PHACTR1: variants seen among roughly 807,000 people sequenced by gnomAD.
PHACTR1 encodes phosphatase and actin regulator 1, also known as RPEL repeat containing 1.
Under a neutral mutation model 69.2 loss-of-function variants are expected in PHACTR1, and 16 were observed. The ratio of observed to expected loss-of-function variants is 0.23; its 90% confidence interval spans 0.16 to 0.35. PHACTR1 has a LOEUF of 0.35. Among genes scored for constraint, PHACTR1 ranks in the 10% least tolerant of loss-of-function variants. The pLI, the probability that PHACTR1 is intolerant of heterozygous loss-of-function variation, is 1.00. For missense variants in PHACTR1, 510 were observed against 734.7 expected, an observed-to-expected ratio of 0.69 and a Z score of 3.54; for synonymous variants, 312 against 284.5, an observed-to-expected ratio of 1.10 and a Z score of -0.97.
chr6:12,834,082 G>A (rs1196241009), intron 4 of PHACTR1, among the ~76,000 whole-genome samples: 1 of 152,090 alleles, frequency 6.6e-6, no homozygotes, highest in Non-Finnish European at 1.5e-5. Context: ...TTCTGCAATA[G>A]CACTTATTGT....
Position 13,006,952 on chromosome 6 carries a change from G to GAC in PHACTR1, c.251-46412_251-46411insCA, listed in dbSNP as rs566632431. 1.5e-4 allele frequency among the ~76,000 whole-genome samples: 23 copies of GAC among 152,332 alleles called. No homozygotes were observed. In the East Asian group the frequency reaches 4.2e-3, roughly 28 times the overall value. ...CCAACTGCAATCCTACCATGTGCCTGAAGACAGCAAGTCAGAAATATTTGG... is the reference window on the plus strand; with the variant it reads ...CCAACTGCAATCCTACCATGTGCCTGACAAGACAGCAAGTCAGAAATATTTGG... On this transcript the variant is annotated intron_variant, in intron 4 of 14. Coordinates refer to ENST00000332995, the MANE Select transcript of PHACTR1 (RefSeq NM_030948.6).
At chr6:13,227,784 G>T (rs1770039977) in intron 8 of PHACTR1, 32 bp from the exon 9 acceptor site, 2 of 1,604,302 alleles carry the variant, frequency 1.2e-6, no homozygotes, top group South Asian at 1.1e-5. Context: ...TAGCCAAAGT[G>T]AATTTCCTCT....
chr6:13,111,235 T>G (rs773946285), intron 5 of PHACTR1, among the ~76,000 whole-genome samples: 13 of 152,102 alleles, frequency 8.5e-5, no homozygotes, highest in South Asian at 2.1e-4. Flanking sequence ...AGGGTCACTG[T>G]ATGACAGTGT....
intron 10 of PHACTR1, chr6:13,267,678 T>A (rs1461906784): frequency 6.6e-6 from 1 of 152,174 alleles, no homozygotes; most frequent in Non-Finnish European, 1.5e-5. Flanking sequence ...CTCTAGGCTG[T>A]GAGCCGCTTA....
chr6:13,281,328 C>T lies in PHACTR1; in HGVS notation c.1510-2094C>T, dbSNP rs146528196. The T allele has an allele frequency of 1.9e-3, 662 of 341,158 alleles. 7 individuals carry two copies. Among genetic ancestry groups the T allele is most frequent in the African/African-American group, 0.014 (622 of 45,994 alleles). 21.1% of individuals were successfully genotyped at this position (341,158 alleles called of 1,614,324 possible). A position where few individuals can be genotyped will look rare whatever the true frequency, so the allele number is the denominator to read the frequency against. ...CAGCACTTTGGGAGGCTGAGAACGGCGGATCATTTGAGATCAGGAGTTCGA... is the reference window on the plus strand; with the variant it reads ...CAGCACTTTGGGAGGCTGAGAACGGTGGATCATTTGAGATCAGGAGTTCGA... On this transcript the variant is annotated intron_variant, in intron 12 of 14. Coordinates refer to ENST00000332995, the MANE Select transcript of PHACTR1 (RefSeq NM_030948.6).
chr6:13,005,021 C>G (rs1378809518), intron 4 of PHACTR1, among the ~76,000 whole-genome samples: 1 of 151,250 alleles, frequency 6.6e-6, no homozygotes, highest in African/African-American at 2.4e-5. Flanking sequence ...AAATGAATAT[C>G]TTTAAATTTT....
chr6:13,278,342 C>T lies in PHACTR1; in HGVS notation c.1509+13C>T. 2 of 1,584,764 alleles carry T rather than the reference C, an allele frequency of 1.3e-6. No homozygotes were observed. Among genetic ancestry groups the T allele is most frequent in the South Asian group, 2.3e-5 (2 of 86,738 alleles). On this transcript the variant is annotated intron_variant, in intron 12 of 14. Coordinates refer to ENST00000332995, the MANE Select transcript of PHACTR1 (RefSeq NM_030948.6). ...GCTAACCCGAAAGGTAGGTGGTTCT[C>T]CATGCCAAGAGCTGGGACAGGAGAG...
At chr6:12,974,381 A>G (rs1233770690) in intron 4 of PHACTR1, among the ~76,000 whole-genome samples, 2 of 152,106 alleles carry the variant, frequency 1.3e-5, no homozygotes, top group African/African-American at 4.8e-5. Context: ...GCATATCACC[A>G]TGGACTTTTT....
chr6:13,035,469 A>C (rs774284392), intron 4 of PHACTR1, among the ~76,000 whole-genome samples: 2 of 151,974 alleles, frequency 1.3e-5, no homozygotes, highest in South Asian at 2.1e-4. Context: ...GCATTGTTCT[A>C]GTTTCTGTTT....
At chr6:13,072,702 T>TC (rs1809724318) in intron 5 of PHACTR1, among the ~76,000 whole-genome samples, 1 of 152,224 alleles carries the variant, frequency 6.6e-6, no homozygotes, top group Non-Finnish European at 1.5e-5. Flanking sequence ...CTTTATTTTT[T>TC]CTTTATGCAT....
At chr6:13,227,091 G>A (rs1769884753) in intron 8 of PHACTR1, among the ~76,000 whole-genome samples, 1 of 152,150 alleles carries the variant, frequency 6.6e-6, no homozygotes, top group Non-Finnish European at 1.5e-5. Flanking sequence ...AACTTAAGAG[G>A]TAGAACCAAA....
intron 7 of PHACTR1, among the ~76,000 whole-genome samples, chr6:13,189,390 CA>C (rs1763211994): frequency 6.6e-6 from 1 of 151,716 alleles, no homozygotes; most frequent in Non-Finnish European, 1.5e-5. Flanking sequence ...CCAAAATTCC[CA>C]CCCCCCCTTT....
At chr6:13,044,204 G>C (rs1173723327) in intron 4 of PHACTR1, among the ~76,000 whole-genome samples, 1 of 152,118 alleles carries the variant, frequency 6.6e-6, no homozygotes, top group Non-Finnish European at 1.5e-5. Context: ...TCATGGAATA[G>C]AAGTATCTTC....
intron 4 of PHACTR1, among the ~76,000 whole-genome samples, chr6:12,766,069 G>A (rs563043159): frequency 6.6e-5 from 10 of 152,152 alleles, no homozygotes; most frequent in African/African-American, 2.4e-4. Flanking sequence ...TGGACCCTAG[G>A]AACTATCATC....
In PHACTR1 at chr6:13,181,793, C is replaced by T. The variant is rs1227037166; in HGVS notation, c.497-726C>T. Among the ~76,000 whole-genome samples, 5 of 152,142 alleles carry T rather than the reference C, an allele frequency of 3.3e-5. No individual in the cohort carries two copies. The East Asian group carries it at 5.8e-4, about 18-fold the overall frequency. On this transcript the variant is annotated intron_variant, in intron 6 of 14. Coordinates refer to ENST00000332995, the MANE Select transcript of PHACTR1 (RefSeq NM_030948.6). ...GCAAACAGAAGACAGGACCTTGGTG[C>T]GTGTTGAATGACATGAAGCCCTTTG...
chr6:12,790,531 CTATCTCCCTAATA>C (rs1465638317), intron 4 of PHACTR1, among the ~76,000 whole-genome samples: 4 of 152,338 alleles, frequency 2.6e-5, no homozygotes, highest in Non-Finnish European at 5.9e-5. Context: ...TGTTCATTGT[CTATCTCCCTAATA>C]AAATGTAAGC....
At chr6:13,021,941 G>T (rs1042241504) in intron 4 of PHACTR1, among the ~76,000 whole-genome samples, 1 of 152,190 alleles carries the variant, frequency 6.6e-6, no homozygotes, top group Non-Finnish European at 1.5e-5. Context: ...AGAGAAGAGG[G>T]TCAGAGAGTC....
intron 5 of PHACTR1, among the ~76,000 whole-genome samples, chr6:13,153,783 C>G (rs1390025066): frequency 6.6e-6 from 1 of 152,122 alleles, no homozygotes; most frequent in Non-Finnish European, 1.5e-5. Flanking sequence ...TTCTACTGAT[C>G]AATTAGGTGT....
intron 4 of PHACTR1, among the ~76,000 whole-genome samples, chr6:12,932,553 A>G (rs543524684): frequency 6.6e-6 from 1 of 152,180 alleles, no homozygotes; most frequent in Non-Finnish European, 1.5e-5. Context: ...TCAATCTTAG[A>G]TCATTCTGGT....
Sources: gnomAD v4.1 joint callset for allele counts (sites outside exome capture counted in the v4.1 genomes callset) on GRCh38, gnomAD v4.1.1 for gene constraint, MANE v1.5 for transcripts, NCBI Gene and HGNC (gene_info 2026-07-23, HGNC 2026-07-21) for gene names.